CLSTN2: variants seen among roughly 807,000 people sequenced by gnomAD.
CLSTN2 encodes calsyntenin 2, also known as calsyntenin-2.
Under a neutral mutation model 101.2 loss-of-function variants are expected in CLSTN2, and 48 were observed. That is an observed-to-expected ratio of 0.47 (90% CI 0.38 to 0.60). The LOEUF is 0.60. CLSTN2 is among the 20% of genes least tolerant of loss of function. CLSTN2 has a pLI of 0.00. For synonymous variants in CLSTN2, 481 were observed against 463.6 expected (o/e 1.04, Z -0.48); for missense variants, 1,160 against 1,238.2 (o/e 0.94, Z 0.95).
chr3:140,069,849 G>A (rs889558407), intron 1 of CLSTN2, among the ~76,000 whole-genome samples: 4 of 152,160 alleles, frequency 2.6e-5, no homozygotes, highest in African/African-American at 9.7e-5. Context: ...GGGAGTGCAT[G>A]GATCAGACAA....
intron 9 of CLSTN2, among the ~76,000 whole-genome samples, chr3:140,536,041 C>T (rs781367612): frequency 1.9e-4 from 29 of 151,988 alleles, no homozygotes; most frequent in Non-Finnish European, 3.1e-4. Context: ...AAGAATGCTG[C>T]GTTCCCCTTA....
chr3:140,556,916 C>A, intron 11 of CLSTN2: 1 of 428,204 alleles, frequency 2.3e-6, no homozygotes, highest in Non-Finnish European at 4.2e-6. Flanking sequence ...GAAGGTACTA[C>A]TTTCTATAAA....
At chr3:140,344,190 C>G (rs545076379) in intron 2 of CLSTN2, among the ~76,000 whole-genome samples, 121 of 152,302 alleles carry the variant, frequency 7.9e-4, no homozygotes, top group African/African-American at 2.8e-3. Flanking sequence ...CCATGTGTGT[C>G]ATCATCTGGA....
intron 2 of CLSTN2, among the ~76,000 whole-genome samples, chr3:140,368,483 C>T (rs768216457): frequency 3.3e-5 from 5 of 152,190 alleles, no homozygotes; most frequent in Non-Finnish European, 5.9e-5. Flanking sequence ...TCATCACAGC[C>T]TCTGGCTTCG....
At chr3:140,101,509 G>C (rs2008965827) in intron 1 of CLSTN2, among the ~76,000 whole-genome samples, 1 of 152,144 alleles carries the variant, frequency 6.6e-6, no homozygotes, top group African/African-American at 2.4e-5. Context: ...AATTTCCTTT[G>C]TTCATTTGTG....
intron 2 of CLSTN2, among the ~76,000 whole-genome samples, chr3:140,351,342 G>A (rs2087604696): frequency 6.6e-6 from 1 of 152,178 alleles, no homozygotes; most frequent in South Asian, 2.1e-4. Flanking sequence ...AGATACCTAA[G>A]TGAGATACAA....
intron 2 of CLSTN2, among the ~76,000 whole-genome samples, chr3:140,263,589 C>A (rs1202596873): frequency 1.3e-5 from 2 of 152,150 alleles, no homozygotes; most frequent in Non-Finnish European, 2.9e-5. Flanking sequence ...GAAACATATG[C>A]ATAGTACCAA....
At chr3:139,982,868 T>C (rs543990382) in intron 1 of CLSTN2, among the ~76,000 whole-genome samples, 71 of 152,116 alleles carry the variant, frequency 4.7e-4, no homozygotes, top group African/African-American at 1.6e-3. Flanking sequence ...GTTCAGACTA[T>C]ATATAGAGAG....
At chr3:140,224,961 C>T (rs78049452) in intron 2 of CLSTN2, among the ~76,000 whole-genome samples, 3,124 of 152,284 alleles carry the variant, frequency 0.021, 100 homozygotes, top group African/African-American at 0.071. Flanking sequence ...CAAGGAAGGG[C>T]AGCCATAGAA....
intron 2 of CLSTN2, among the ~76,000 whole-genome samples, chr3:140,334,597 T>C (rs1253767381): frequency 6.6e-6 from 1 of 152,128 alleles, no homozygotes; most frequent in Non-Finnish European, 1.5e-5. Context: ...AGGAGGCCCA[T>C]CAACAAAAAT....
intron 13 of CLSTN2, 82 bp downstream of exon 13, chr3:140,562,390 C>A: frequency 7.4e-7 from 1 of 1,348,966 alleles, no homozygotes; most frequent in Non-Finnish European, 1.0e-6. Flanking sequence ...TGAGATTGCA[C>A]CTGTGAAGGA....
intron 1 of CLSTN2, among the ~76,000 whole-genome samples, chr3:139,957,026 A>T (rs139289401): frequency 6.6e-6 from 1 of 152,326 alleles, no homozygotes; most frequent in East Asian, 1.9e-4. Flanking sequence ...AGACAATTTA[A>T]GTTTTGATGC....
intron 2 of CLSTN2, among the ~76,000 whole-genome samples, chr3:140,348,923 C>T (rs1176746430): frequency 6.6e-6 from 1 of 152,236 alleles, no homozygotes; most frequent in Non-Finnish European, 1.5e-5. Flanking sequence ...ATGACTTTGC[C>T]AAGACTGGTT....
chr3:140,054,546 T>C (rs891113552), intron 1 of CLSTN2, among the ~76,000 whole-genome samples: 2 of 152,204 alleles, frequency 1.3e-5, no homozygotes, highest in African/African-American at 4.8e-5. Context: ...GCTTTGCTTA[T>C]AGCCACCCAC....
At chr3:140,355,652 A>G (rs1320212746) in intron 2 of CLSTN2, among the ~76,000 whole-genome samples, 1 of 152,194 alleles carries the variant, frequency 6.6e-6, no homozygotes, top group Non-Finnish European at 1.5e-5. Flanking sequence ...AAAATTTGAA[A>G]GGCAATCTGG....
intron 2 of CLSTN2, among the ~76,000 whole-genome samples, chr3:140,331,551 A>G (rs1454581508): frequency 6.6e-6 from 1 of 152,192 alleles, no homozygotes; most frequent in Non-Finnish European, 1.5e-5. Flanking sequence ...AAAAGTATTG[A>G]TCATTCCCTA....
At chr3:140,047,182 T>G (rs910335910) in intron 1 of CLSTN2, among the ~76,000 whole-genome samples, 2 of 152,202 alleles carry the variant, frequency 1.3e-5, no homozygotes, top group Non-Finnish European at 2.9e-5. Flanking sequence ...CACATCAATC[T>G]GAGCTATATT....
intron 2 of CLSTN2, among the ~76,000 whole-genome samples, chr3:140,401,371 C>T (rs2088239487): frequency 6.6e-6 from 1 of 152,198 alleles, no homozygotes; most frequent in African/African-American, 2.4e-5. Flanking sequence ...AGTTGTTAGT[C>T]TTTGTGTCCT....
intron 8 of CLSTN2, among the ~76,000 whole-genome samples, chr3:140,486,143 G>A: frequency 6.6e-6 from 1 of 151,808 alleles, no homozygotes; most frequent in East Asian, 1.9e-4. Flanking sequence ...CATTACATAT[G>A]GGAAAAGACC....
Sources: gnomAD v4.1 joint callset for allele counts (sites outside exome capture counted in the v4.1 genomes callset) on GRCh38, gnomAD v4.1.1 for gene constraint, MANE v1.5 for transcripts, NCBI Gene and HGNC (gene_info 2026-07-23, HGNC 2026-07-21) for gene names.